Variants in UTRN observed in about 807,000 individuals in gnomAD.
The protein encoded by UTRN is utrophin, also known as dystrophin-related protein 1.
In UTRN, 283 loss-of-function variants were observed where a neutral mutation model predicts 463.9. The observed-to-expected ratio is 0.61, with a 90% CI of 0.55 to 0.67. The LOEUF is 0.67. Ranked by LOEUF, UTRN falls within the 30% of genes least tolerant of loss-of-function variation. The pLI, the probability that UTRN is intolerant of heterozygous loss-of-function variation, is 0.00. For missense variants in UTRN, 3,922 were observed against 4,084.3 expected (o/e 0.96, Z 1.08); for synonymous variants, 1,442 against 1,431.5 (o/e 1.01, Z -0.17).
At chr6:144,402,374 C>T (rs1206207002) in intron 2 of UTRN, among the ~76,000 whole-genome samples, 1 of 152,124 alleles carries the variant, frequency 6.6e-6, no homozygotes, top group Non-Finnish European at 1.5e-5. Flanking sequence ...AAGAGAAAGT[C>T]CTTTTCTCTT....
chr6:144,423,686 A>T (rs757744487), intron 5 of UTRN, 60 bp downstream of exon 5: 18 of 1,562,156 alleles, frequency 1.2e-5, no homozygotes, highest in Non-Finnish European at 1.6e-5. Flanking sequence ...TTATTGTGAA[A>T]CTCACCAACT....
At chr6:144,787,906 T>C (rs1217994071) in intron 61 of UTRN, among the ~76,000 whole-genome samples, 2 of 152,108 alleles carry the variant, frequency 1.3e-5, no homozygotes, top group Non-Finnish European at 2.9e-5. Flanking sequence ...TGTGTAATAA[T>C]AAAGATAGCA....
intron 52 of UTRN, among the ~76,000 whole-genome samples, chr6:144,699,475 T>TTTTTTTTTTG (rs1784359367): frequency 6.0e-5 from 1 of 16,544 alleles, no homozygotes; most frequent in Non-Finnish European, 1.5e-4. Context: ...AGTCAGTGGT[T>TTTTTTTTTTG]TTTTTTTTTT....
chr6:144,566,008 G>A (rs1236345047), intron 50 of UTRN, among the ~76,000 whole-genome samples: 2 of 152,168 alleles, frequency 1.3e-5, no homozygotes, highest in Admixed American at 1.3e-4. Flanking sequence ...ATTAAATGCA[G>A]AGGGGACAAA....
intron 51 of UTRN, among the ~76,000 whole-genome samples, chr6:144,623,596 A>G (rs747870882): frequency 6.6e-6 from 1 of 152,236 alleles, no homozygotes; most frequent in African/African-American, 2.4e-5. Context: ...CCTCTTTCAG[A>G]TAGATTACTA....
chr6:144,422,919 A>G (rs1339873057), intron 4 of UTRN, among the ~76,000 whole-genome samples: 1 of 152,194 alleles, frequency 6.6e-6, no homozygotes, highest in African/African-American at 2.4e-5. Context: ...GACAACTGTT[A>G]GACAGGCTGA....
chr6:144,630,994 C>T (rs73597504), intron 51 of UTRN, among the ~76,000 whole-genome samples: 4,056 of 152,202 alleles, frequency 0.027, 132 homozygotes, highest in African/African-American at 0.079. Flanking sequence ...TTTGCCTTCC[C>T]TTCATACATG....
intron 65 of UTRN, among the ~76,000 whole-genome samples, chr6:144,816,962 A>G (rs1054669906): frequency 1.3e-5 from 2 of 152,148 alleles, no homozygotes; most frequent in Non-Finnish European, 1.5e-5. Context: ...AAAATGAAGG[A>G]CAAATTTAGG....
At chr6:144,732,239 C>CACATATATATAT (rs1562832398) in intron 54 of UTRN, among the ~76,000 whole-genome samples, 28 of 116,048 alleles carry the variant, frequency 2.4e-4, no homozygotes, top group East Asian at 1.7e-3. Context: ...TATATATATA[C>CACATATATATAT]ATATATATAT....
chr6:144,504,608 C>T (rs574564394), intron 34 of UTRN, among the ~76,000 whole-genome samples: 21 of 152,206 alleles, frequency 1.4e-4, no homozygotes, highest in South Asian at 1.2e-3. Flanking sequence ...GAGATGAAGC[C>T]GACTTGATCA....
At chr6:144,348,790 C>G (rs183698028) in intron 2 of UTRN, among the ~76,000 whole-genome samples, 26 of 151,988 alleles carry the variant, frequency 1.7e-4, no homozygotes, top group Non-Finnish European at 3.2e-4. Flanking sequence ...CAAAATGAGC[C>G]GGGCCTAGTG....
intron 2 of UTRN, among the ~76,000 whole-genome samples, chr6:144,391,847 A>G (rs367600044): frequency 4.6e-5 from 7 of 152,330 alleles, no homozygotes; most frequent in Admixed American, 2.0e-4. Context: ...TTCACCTGTT[A>G]GCCATGATGG....
chr6:144,844,039 C>A (rs1781814782), intron 73 of UTRN, among the ~76,000 whole-genome samples: 1 of 152,034 alleles, frequency 6.6e-6, no homozygotes, highest in Non-Finnish European at 1.5e-5. Flanking sequence ...TTGAAATCTC[C>A]ATGTTTTAAT....
intron 51 of UTRN, among the ~76,000 whole-genome samples, chr6:144,651,480 G>A (rs569595645): frequency 3.9e-5 from 6 of 152,260 alleles, no homozygotes; most frequent in East Asian, 1.9e-4. Context: ...GACACAGGTC[G>A]TTTGATTTCG....
Position 144,699,473 on chromosome 6 carries a change from G to GTTTTTTTTTTTTTTT in UTRN, c.7653-601_7653-587dup, listed in dbSNP as rs71024902. ...AAATAATAATAATAATTAGTCAGTG[G>GTTTTTTTTTTTTTTT]TTTTTTTTTTTTTTTTTTTTTTTTT... On this transcript the variant is annotated intron_variant, in intron 52 of 74. Transcript: ENST00000367545. Among the ~76,000 whole-genome samples, 12 of 67,614 alleles carry GTTTTTTTTTTTTTTT rather than the reference G, an allele frequency of 1.8e-4. 1 individual carries two copies. Among genetic ancestry groups the GTTTTTTTTTTTTTTT allele is most frequent in the Admixed American group, 1.2e-3 (4 of 3,402 alleles). The allele number at this position is 67,614 out of a possible 152,430, so 44.4% of individuals were successfully genotyped here. A position where few individuals can be genotyped will look rare whatever the true frequency, so the allele number is the denominator to read the frequency against.
intron 65 of UTRN, among the ~76,000 whole-genome samples, chr6:144,816,908 T>A (rs998932777): frequency 3.9e-5 from 6 of 152,188 alleles, no homozygotes; most frequent in African/African-American, 1.4e-4. Flanking sequence ...TTAATATAAT[T>A]TTTTAGAAAA....
At chr6:144,517,195 C>A (rs540577838) in intron 39 of UTRN, among the ~76,000 whole-genome samples, 1 of 151,852 alleles carries the variant, frequency 6.6e-6, no homozygotes, top group Non-Finnish European at 1.5e-5. Flanking sequence ...TAAAAGAGAT[C>A]TATCTATTTC....
rs35676466 is a variant in UTRN at position 144,533,206 on chromosome 6, G to A, written c.6179G>A (p.Gly2060Asp). ...DGSFLKEKLAGLNQRWDAIVA... is the reference protein window; with the variant it reads ...DGSFLKEKLADLNQRWDAIVA... ...AGCTTCTTGAAAGAAAAACTGGCAG[G>A]TTTAAACCAACGCTGGGATGCAATT... Residue 2060 changes from glycine to aspartate, a missense_variant, in exon 43 of 75, where the codon GGT (glycine) becomes GAT (aspartate). By Grantham distance (94) the Gly-to-Asp change is moderately conservative (BLOSUM62 -1). This residue lies in a region of UTRN where 2,349 missense variants were observed against 2,303.8 expected (regional missense o/e 1.02). Coordinates refer to ENST00000367545, the MANE Select transcript of UTRN (RefSeq NM_007124.3). 0.012 allele frequency: 19,269 copies of A among 1,614,144 alleles called. 147 individuals are homozygous for A. The highest frequency in any genetic ancestry group is 0.014 in the Non-Finnish European group (16,669 of 1,179,996).
intron 51 of UTRN, among the ~76,000 whole-genome samples, chr6:144,640,827 A>G (rs553016118): frequency 6.6e-6 from 1 of 152,288 alleles, no homozygotes; most frequent in East Asian, 1.9e-4. Context: ...TAATTTTTGT[A>G]GTTGAAATAG....
Sources: gnomAD v4.1 joint callset for allele counts (sites outside exome capture counted in the v4.1 genomes callset) on GRCh38, gnomAD v4.1.1 for gene constraint, gnomAD v4.1.1 regional missense constraint, MANE v1.5 for transcripts, NCBI Gene and HGNC (gene_info 2026-07-23, HGNC 2026-07-21) for gene names.